KIRREL3: variants seen among roughly 807,000 people sequenced by gnomAD.
The protein encoded by KIRREL3 is kin of IRRE-like protein 3.
A neutral mutation model predicts 89.7 loss-of-function variants in KIRREL3; 36 were observed. The observed-to-expected ratio is 0.40, with a 90% confidence interval of 0.31 to 0.53. KIRREL3 has a LOEUF of 0.53. KIRREL3 is among the 20% of genes least tolerant of loss of function. KIRREL3 has a pLI of 0.49. For synonymous variants in KIRREL3, 445 were observed against 441.4 expected (o/e 1.01, Z -0.10); for missense variants, 864 against 1,056.6 (o/e 0.82, Z 2.53).
At position 126,566,796 on chromosome 11, in the gene KIRREL3, T is replaced by A. The variant is rs1488098148; in HGVS notation, c.56-3884A>T. The stretch of plus-strand genomic sequence containing the variant: ...TTATTTCATATTTGTGGGATACTTA[T>A]TTTTTAATGACGCTGTCATATTCCC... On this transcript the variant is annotated intron_variant, in intron 1 of 16. Coordinates refer to ENST00000525144, the MANE Select transcript of KIRREL3 (RefSeq NM_032531.4). The surrounding 1 kb of genome is among the most constrained non-coding windows in gnomAD (Gnocchi z 4.9). Among the ~76,000 whole-genome samples the A allele has an allele frequency of 1.3e-5, 2 of 152,248 alleles. No individual in the cohort carries two copies. The highest frequency in any genetic ancestry group is 2.9e-5 in the Non-Finnish European group (2 of 68,036).
rs1958672803 is a variant in KIRREL3 at position 126,523,950 on chromosome 11, C to T, written c.284-2486G>A. Among the ~76,000 whole-genome samples, 1 of 152,150 alleles carries T rather than the reference C, an allele frequency of 6.6e-6. No homozygotes were observed. Among genetic ancestry groups the T allele is most frequent in the Admixed American group, 6.5e-5 (1 of 15,276 alleles). On this transcript the variant is annotated intron_variant, in intron 3 of 16. Coordinates refer to ENST00000525144, the MANE Select transcript of KIRREL3 (RefSeq NM_032531.4). The surrounding 1 kb of genome is among the most constrained non-coding windows in gnomAD (Gnocchi z 4.9). ...TTAGGCAGTGAGCTGTGATGCTATCCCAAGGACTGGCAGCATCTTTGAAAA... is the reference window on the plus strand; with the variant it reads ...TTAGGCAGTGAGCTGTGATGCTATCTCAAGGACTGGCAGCATCTTTGAAAA...
rs2135247598 is a variant in KIRREL3 at position 126,981,440 on chromosome 11, A to G, written c.55+19015T>C. 6.6e-6 allele frequency among the ~76,000 whole-genome samples: 1 copy of G among 152,268 alleles called. No individual in the cohort carries two copies. Among genetic ancestry groups the G allele is most frequent in the East Asian group, 1.9e-4 (1 of 5,172 alleles). ...GAGGAAAATGCTCAGGAGGTGTTAT[A>G]TGTGGTGTAGCTTAGGATTCCAGGC... On this transcript the variant is annotated intron_variant, in intron 1 of 16. Transcript: ENST00000525144. This position sits in a 1 kb window ranked among gnomAD's most constrained non-coding sequence, Gnocchi z 4.2.
At chr11:126,588,948 AG>A (rs1474224171) in intron 1 of KIRREL3, among the ~76,000 whole-genome samples, 1 of 152,178 alleles carries the variant, frequency 6.6e-6, no homozygotes, top group African/African-American at 2.4e-5. Flanking sequence ...AGCTTGCTGC[AG>A]GGAGAAAGAG....
chr11:126,934,654 C>T (rs1948100818), intron 1 of KIRREL3, among the ~76,000 whole-genome samples: 1 of 152,156 alleles, frequency 6.6e-6, no homozygotes, highest in Admixed American at 6.5e-5. Context: ...ACAGACAGTT[C>T]ATAATGGAAG....
At chr11:126,726,675 C>A (rs1948395329) in intron 1 of KIRREL3, among the ~76,000 whole-genome samples, 1 of 152,042 alleles carries the variant, frequency 6.6e-6, no homozygotes, top group Admixed American at 6.5e-5. Context: ...CTGCGCCCAG[C>A]CACAAGATGC....
chr11:127,003,144 GTGA>G (rs1235339701), upstream of KIRREL3: 3 of 152,040 alleles, frequency 2.0e-5, no homozygotes, highest in African/African-American at 7.3e-5. Context: ...CTTGGATTAA[GTGA>G]TGAGCTGCCC....
chr11:126,446,805 C>T lies in KIRREL3; in HGVS notation c.1079G>A (p.Gly360Asp). The change falls in exon 9 of 17, where the codon GGC becomes GAC. Residue 360 changes from glycine (G) to aspartate (D), a missense_variant. Gly to Asp is a moderately conservative substitution (Grantham distance 94). Transcript: ENST00000525144. The stretch of plus-strand genomic sequence containing the variant: ...CCAGACGATGGTCAGGGATGGGTTG[C>T]CGGTCCAGGCGCAGCTGAAGATGGC... ...SDAIFSCAWTGNPSLTIVWMK... is the reference protein window; with the variant it reads ...SDAIFSCAWTDNPSLTIVWMK... 1 of 1,601,388 alleles carries T rather than the reference C, an allele frequency of 6.2e-7. No homozygotes were observed. Among genetic ancestry groups the T allele is most frequent in the Non-Finnish European group, 8.5e-7 (1 of 1,174,218 alleles).
At chr11:126,779,794 GCCTTCT>G (rs71942521) in intron 1 of KIRREL3, among the ~76,000 whole-genome samples, 40,721 of 151,672 alleles carry the variant, frequency 0.27, 6,523 homozygotes, top group East Asian at 0.79. Context: ...TCATTATGAT[GCCTTCT>G]CCTTTTTCAA....
chr11:126,444,254 C>T (rs879217961), intron 10 of KIRREL3, among the ~76,000 whole-genome samples: 6 of 152,206 alleles, frequency 3.9e-5, no homozygotes, highest in Non-Finnish European at 7.3e-5. Flanking sequence ...CACGTGGCCT[C>T]GTGGAGACGG....
chr11:126,888,330 A>G (rs1212999036), intron 1 of KIRREL3, among the ~76,000 whole-genome samples: 1 of 152,112 alleles, frequency 6.6e-6, no homozygotes, highest in Non-Finnish European at 1.5e-5. Flanking sequence ...CAGCTCTTCT[A>G]CCTCAATCCC....
chr11:126,481,955 T>C (rs1957229103), intron 4 of KIRREL3, among the ~76,000 whole-genome samples: 1 of 152,250 alleles, frequency 6.6e-6, no homozygotes. Flanking sequence ...CATCACTTCT[T>C]ACCTCAATTC....
chr11:126,851,873 G>A (rs1374135252), intron 1 of KIRREL3, among the ~76,000 whole-genome samples: 1 of 148,932 alleles, frequency 6.7e-6, no homozygotes, highest in African/African-American at 2.4e-5. Flanking sequence ...TAAACAAGCC[G>A]GGCAACTCAC....
In KIRREL3 at chr11:126,430,850, C is replaced by T. The variant is rs1955102733; in HGVS notation, c.1696+569G>A. The T allele has an allele frequency of 2.4e-6, 1 of 421,776 alleles. No individual in the cohort carries two copies. Among genetic ancestry groups the T allele is most frequent in the Non-Finnish European group, 3.2e-6 (1 of 312,766 alleles). The allele number at this position is 421,776 out of a possible 1,614,324, so 26.1% of individuals were successfully genotyped here. ...ATTGTCTTCACCTGTTCTCTGCCAT[C>T]CAATCTCTCACACGTTATCTCCTCG... is the stretch of plus-strand genomic sequence containing the variant. On this transcript the variant is annotated intron_variant, in intron 14 of 16. Transcript: ENST00000525144. This position sits in a 1 kb window ranked among gnomAD's most constrained non-coding sequence, Gnocchi z 6.6.
In KIRREL3 at chr11:126,526,593, G is replaced by A. The variant is rs1237974005; in HGVS notation, c.228C>T (p.Gly76=). Residue 76 remains glycine (G), a synonymous_variant, in exon 3 of 17, where the codon GGC becomes GGT. Transcript: ENST00000525144. This position sits in a 1 kb window ranked among gnomAD's most constrained non-coding sequence, Gnocchi z 5.7. Reference sequence around the variant, plus strand: ...AGCCGTCCTTGATCCACAGAACGAAGCCATCGTATTCGGGGATGGCGCAAA... The same window carrying A: ...AGCCGTCCTTGATCCACAGAACGAAACCATCGTATTCGGGGATGGCGCAAA... The part of the protein sequence containing the change: ...TLLCAIPEYD[G]FVLWIKDGLA... 1.9e-6 allele frequency: 3 copies of A among 1,612,118 alleles called. No individual in the cohort carries two copies. The highest frequency in any genetic ancestry group is 2.2e-5 in the East Asian group (1 of 44,828).
In KIRREL3 at chr11:126,515,535, A is replaced by G. The variant is rs1958383452; in HGVS notation, c.433+5780T>C. ...TCCAGAGAAGGCTTCCTGGAGGAGG[A>G]GTTGTCTGAGGTGAATCTTGACAGC... On this transcript the variant is annotated intron_variant, in intron 4 of 16. Transcript: ENST00000525144. The surrounding 1 kb of genome is among the most constrained non-coding windows in gnomAD (Gnocchi z 4.2). Among the ~76,000 whole-genome samples the G allele has an allele frequency of 6.6e-6, 1 of 152,166 alleles. No homozygotes were observed. The highest frequency in any genetic ancestry group is 1.5e-5 in the Non-Finnish European group (1 of 68,028).
intron 1 of KIRREL3, among the ~76,000 whole-genome samples, chr11:126,770,040 GGT>G (rs951645592): frequency 2.0e-5 from 3 of 152,062 alleles, no homozygotes; most frequent in Non-Finnish European, 4.4e-5. Flanking sequence ...GCTCTGGGTA[GGT>G]GTGTGAAGCC....
chr11:126,656,862 G>A lies in KIRREL3; in HGVS notation c.56-93950C>T, dbSNP rs1945162813. On this transcript the variant is annotated intron_variant, in intron 1 of 16. Transcript: ENST00000525144. The surrounding 1 kb of genome is among the most constrained non-coding windows in gnomAD (Gnocchi z 4.0). Reference sequence around the variant, plus strand: ...GGGCTGGGAGTCCCAGACCAGCCTGGCTGTCGTGGTGGGACCCCGTCTCTA... The same window carrying A: ...GGGCTGGGAGTCCCAGACCAGCCTGACTGTCGTGGTGGGACCCCGTCTCTA... 6.6e-6 allele frequency among the ~76,000 whole-genome samples: 1 copy of A among 152,142 alleles called. No individual in the cohort carries two copies. Among genetic ancestry groups the A allele is most frequent in the Admixed American group, 6.5e-5 (1 of 15,278 alleles).
In KIRREL3 at chr11:126,527,615, A is replaced by C. The variant is rs1182782997; in HGVS notation, c.134-928T>G. On this transcript the variant is annotated intron_variant, in intron 2 of 16. Transcript: ENST00000525144. This position sits in a 1 kb window ranked among gnomAD's most constrained non-coding sequence, Gnocchi z 4.2. ...TGGGAGCTGTGCTTGTGAATTGCTC[A>C]CCAAGTACGGCGCATGCCCTGACTC... 6.6e-6 allele frequency among the ~76,000 whole-genome samples: 1 copy of C among 152,214 alleles called. No homozygotes were observed. Among genetic ancestry groups the C allele is most frequent in the Non-Finnish European group, 1.5e-5 (1 of 68,038 alleles).
intron 7 of KIRREL3, among the ~76,000 whole-genome samples, chr11:126,451,768 A>G (rs1408811643): frequency 6.6e-6 from 1 of 151,960 alleles, no homozygotes; most frequent in African/African-American, 2.4e-5. Flanking sequence ...CTCCAGGGAG[A>G]GAGAGTTCTC....
Sources: gnomAD v4.1 joint callset for allele counts (sites outside exome capture counted in the v4.1 genomes callset) on GRCh38, gnomAD v4.1.1 for gene constraint, Gnocchi (gnomAD v3.1) non-coding constraint, MANE v1.5 for transcripts, NCBI Gene and HGNC (gene_info 2026-07-23, HGNC 2026-07-21) for gene names.